ZNF536: variants seen among roughly 807,000 people sequenced by gnomAD.
ZNF536 encodes zinc finger protein 536.
A neutral mutation model predicts 84.5 loss-of-function variants in ZNF536; 13 were observed. The observed-to-expected ratio is 0.15, with a 90% CI of 0.10 to 0.24. The LOEUF (loss-of-function observed/expected upper bound fraction) is 0.24, where lower values mean the gene tolerates loss of function less well. ZNF536 is among the 10% of genes least tolerant of loss of function. ZNF536 has a pLI of 1.00. For synonymous variants in ZNF536, 811 were observed against 742.5 expected (o/e 1.09, Z -1.50); for missense variants, 1,536 against 1,747.5 (o/e 0.88, Z 2.16).
At chr19:30,360,796 G>C (rs1218145448) in intron 3 of ZNF536, among the ~76,000 whole-genome samples, 2 of 152,230 alleles carry the variant, frequency 1.3e-5, no homozygotes, top group Non-Finnish European at 2.9e-5. Context: ...GTGTGGTAGT[G>C]AAAGAAATGT....
chr19:30,444,266 T>A lies in ZNF536; in HGVS notation c.704T>A (p.Leu235Gln). The A allele has an allele frequency of 6.4e-7, 1 of 1,556,010 alleles. No homozygotes were observed. Among genetic ancestry groups the A allele is most frequent in the Non-Finnish European group, 8.6e-7 (1 of 1,158,158 alleles). ...CCGCCGCACGCCCAGCAGGCCCCGC[T>A]GGCCGCCTGCACCCTGGCCCTGCAG... ...KPPPHAQQAP[L>Q]AACTLALQAN... is the part of the protein sequence containing the mutation. Residue 235 changes from leucine (L) to glutamine (Q), a missense_variant, in exon 2 of 5, where the codon CTG becomes CAG. Physicochemically the swap from Leu to Gln is moderately radical, Grantham distance 113. Coordinates refer to ENST00000355537, the MANE Select transcript of ZNF536 (RefSeq NM_014717.3).
rs192824752 is a variant in ZNF536 at position 30,604,498 on chromosome 19, A to T, written c.169+54984A>T. On this transcript the variant is annotated intron_variant, in intron 1 of 1. Transcript: ENST00000592773. ...AAAATAAAATCACAGTGTAGCCTTA[A>T]CAAGAAAGCTGTTGAGCTTTATGTC... Among the ~76,000 whole-genome samples the T allele has an allele frequency of 1.5e-3, 228 of 152,318 alleles. 1 individual carries two copies. Among genetic ancestry groups the T allele is most frequent in the African/African-American group, 5.3e-3 (220 of 41,564 alleles).
chr19:30,352,174 G>A (rs1372765117), intron 2 of ZNF536, among the ~76,000 whole-genome samples: 1 of 152,176 alleles, frequency 6.6e-6, no homozygotes, highest in African/African-American at 2.4e-5. Context: ...GTGCTAGGCA[G>A]TATTTAGCTT....
At chr19:30,705,782 A>C (rs1317793942) in intron 1 of ZNF536, among the ~76,000 whole-genome samples, 1 of 152,224 alleles carries the variant, frequency 6.6e-6, no homozygotes, top group Non-Finnish European at 1.5e-5. Context: ...GGATATGTGC[A>C]TAGCTTTAGA....
intron 2 of ZNF536, among the ~76,000 whole-genome samples, chr19:30,334,903 G>A (rs2146450661): frequency 6.6e-6 from 1 of 152,330 alleles, no homozygotes. Context: ...GTTCACAAGG[G>A]GGTCTGGGCT....
chr19:30,484,318 C>T (rs2054207126), intron 2 of ZNF536, among the ~76,000 whole-genome samples: 2 of 150,504 alleles, frequency 1.3e-5, no homozygotes, highest in East Asian at 2.0e-4. Flanking sequence ...CCTCTGCCTC[C>T]TAGGTTCAAG....
At chr19:30,294,903 G>T (rs768947280) in intron 2 of ZNF536, among the ~76,000 whole-genome samples, 2 of 152,190 alleles carry the variant, frequency 1.3e-5, no homozygotes, top group East Asian at 3.9e-4. Flanking sequence ...TGCTCTTGGA[G>T]TGAGGAGGCT....
At chr19:30,304,054 G>A (rs1269480977) in intron 2 of ZNF536, among the ~76,000 whole-genome samples, 1 of 152,188 alleles carries the variant, frequency 6.6e-6, no homozygotes, top group African/African-American at 2.4e-5. Context: ...CAGCGTGGGG[G>A]AGTCCCGCTC....
At chr19:30,575,945 G>A (rs894151326) in intron 1 of ZNF536, among the ~76,000 whole-genome samples, 2 of 152,228 alleles carry the variant, frequency 1.3e-5, no homozygotes, top group Non-Finnish European at 2.9e-5. Flanking sequence ...CCACAAGAGC[G>A]ACTCCGGCAG....
At chr19:30,343,231 G>C (rs996339016) in intron 2 of ZNF536, among the ~76,000 whole-genome samples, 1 of 152,204 alleles carries the variant, frequency 6.6e-6, no homozygotes, top group Non-Finnish European at 1.5e-5. Context: ...GAGGGTTCCA[G>C]CAGATTATAA....
intron 1 of ZNF536, among the ~76,000 whole-genome samples, chr19:30,420,583 A>G (rs2050911333): frequency 6.6e-6 from 1 of 152,208 alleles, no homozygotes; most frequent in Non-Finnish European, 1.5e-5. Context: ...TGCCGCGCAG[A>G]TAATCTCTAG....
At chr19:30,635,097 C>T (rs3940498) in intron 1 of ZNF536, among the ~76,000 whole-genome samples, 73,576 of 151,718 alleles carry the variant, frequency 0.48, 18,092 homozygotes, top group Middle Eastern at 0.53. Flanking sequence ...TGTGTATGCG[C>T]GTGCCCCACA....
At position 30,303,118 on chromosome 19, in the gene ZNF536, T is replaced by C. The variant is rs533576042; in HGVS notation, c.-120+18977T>C. On this transcript the variant is annotated intron_variant, in intron 2 of 5. Coordinates refer to the ZNF536 transcript ENST00000585628. ...TCATCTCCATTTGGCATTTTGAAGC[T>C]CCCAGGAGCTCCTAGATGGGTGATG... 1.2e-4 allele frequency among the ~76,000 whole-genome samples: 18 copies of C among 152,280 alleles called. No homozygotes were observed. The East Asian group carries it at 3.3e-3, about 28-fold the overall frequency.
At chr19:30,652,425 T>C (rs1205607232) in intron 1 of ZNF536, among the ~76,000 whole-genome samples, 1 of 152,144 alleles carries the variant, frequency 6.6e-6, no homozygotes, top group African/African-American at 2.4e-5. Context: ...CCACTAAATG[T>C]CGTGAATGGA....
At chr19:30,522,940 G>T (rs1051437921) in intron 2 of ZNF536, among the ~76,000 whole-genome samples, 1 of 152,128 alleles carries the variant, frequency 6.6e-6, no homozygotes, top group Non-Finnish European at 1.5e-5. Flanking sequence ...ACGACCTGCC[G>T]CTTCATCTGT....
chr19:30,642,429 A>G (rs898867171), intron 1 of ZNF536, among the ~76,000 whole-genome samples: 2 of 152,040 alleles, frequency 1.3e-5, no homozygotes, highest in African/African-American at 2.4e-5. Context: ...AGCTGATGGC[A>G]TTTGCCTTCC....
intron 1 of ZNF536, among the ~76,000 whole-genome samples, chr19:30,586,087 G>A (rs1265695890): frequency 6.6e-6 from 1 of 152,104 alleles, no homozygotes; most frequent in Non-Finnish European, 1.5e-5. Flanking sequence ...TCCCACCTCT[G>A]CCACTTAATA....
intron 3 of ZNF536, 51 bp from the exon 4 acceptor site, chr19:30,547,892 C>T (rs1482776528): frequency 9.9e-6 from 15 of 1,508,680 alleles, no homozygotes; most frequent in Non-Finnish European, 1.3e-5. Flanking sequence ...TCGTTCAGCA[C>T]ACCAAAATGA....
intron 2 of ZNF536, among the ~76,000 whole-genome samples, chr19:30,326,488 G>C (rs980690153): frequency 6.6e-5 from 10 of 152,152 alleles, no homozygotes; most frequent in Admixed American, 2.0e-4. Context: ...CCAGGCAGCC[G>C]GACAAGTCAC....
Sources: allele counts gnomAD v4.1 joint callset (sites outside exome capture counted in the v4.1 genomes callset), GRCh38; gene constraint gnomAD v4.1.1; transcripts MANE v1.5; gene names NCBI Gene and HGNC (gene_info 2026-07-23, HGNC 2026-07-21).